Variants in ZCCHC7 observed in about 807,000 individuals in gnomAD.
ZCCHC7 encodes zinc finger CCHC-type containing 7, also known as zinc finger CCHC domain-containing protein 7.
Under a neutral mutation model 52.0 loss-of-function variants are expected in ZCCHC7, and 35 were observed. That is an observed-to-expected ratio of 0.67 (90% CI 0.51 to 0.89). The LOEUF is 0.89. Ranked by LOEUF, ZCCHC7 falls within the 40% of genes least tolerant of loss-of-function variation. The pLI is 0.00. For missense variants in ZCCHC7, 574 were observed against 649.1 expected (o/e 0.88, Z 1.26); for synonymous variants, 217 against 221.5 (o/e 0.98, Z 0.18).
In ZCCHC7 at chr9:37,254,837, C is replaced by CTTTTTTTTTTT. The variant is rs59489076; in HGVS notation, c.611-47345_611-47335dup. Among the ~76,000 whole-genome samples the CTTTTTTTTTTT allele has an allele frequency of 2.7e-3, 254 of 93,430 alleles. 4 individuals are homozygous for CTTTTTTTTTTT. The highest frequency in any genetic ancestry group is 0.011 in the Middle Eastern group (1 of 94). 61.3% of individuals were successfully genotyped at this position (93,430 alleles called of 152,430 possible). On this transcript the variant is annotated intron_variant, in intron 2 of 8. Coordinates refer to ENST00000336755, the MANE Select transcript of ZCCHC7 (RefSeq NM_032226.3). ...TGCCATGTTAATGCTCAAAAAGTTT[C>CTTTTTTTTTTT]TTTTTTTTTTTTTTTTGGATTTTTG... is the stretch of plus-strand genomic sequence containing the variant.
At chr9:37,240,578 C>A (rs551161499) in intron 2 of ZCCHC7, among the ~76,000 whole-genome samples, 88 of 151,866 alleles carry the variant, frequency 5.8e-4, no homozygotes, top group African/African-American at 2.0e-3. Context: ...GATAAGAAAT[C>A]TTTTATTTTT....
intron 5 of ZCCHC7, among the ~76,000 whole-genome samples, chr9:37,318,411 C>T (rs1036197189): frequency 2.7e-5 from 4 of 150,610 alleles, no homozygotes; most frequent in Admixed American, 2.0e-4. Flanking sequence ...CAGTGAGCCG[C>T]GATTGCACCA....
chr9:37,207,002 C>T (rs1823953883), intron 2 of ZCCHC7, among the ~76,000 whole-genome samples: 1 of 151,822 alleles, frequency 6.6e-6, no homozygotes, highest in African/African-American at 2.4e-5. Flanking sequence ...GGTGTGCAAC[C>T]GTAGTCCCAG....
At chr9:37,274,690 T>C (rs909473334) in intron 2 of ZCCHC7, among the ~76,000 whole-genome samples, 14 of 138,094 alleles carry the variant, frequency 1.0e-4, no homozygotes, top group African/African-American at 4.2e-4. Flanking sequence ...AATGTTAATG[T>C]AGTTATTTAC....
chr9:37,357,072 C>T lies in ZCCHC7; in HGVS notation c.1436C>T (p.Thr479Ile). The change falls in exon 9 of 9, where the codon ACC becomes ATC. Residue 479 changes from threonine to isoleucine, a missense_variant. By Grantham distance (89) the Thr-to-Ile change is moderately conservative. Transcript: ENST00000336755. ...GAGGATTTTCCCAGGGGCCCCAAAA[C>T]CTACTCTTCTCCTGGCAGTTTTAAA... ...VDEDFPRGPK[T>I]YSSPGSFKTQ... 2 of 1,613,752 alleles carry T rather than the reference C, an allele frequency of 1.2e-6. No individual in the cohort carries two copies. Among genetic ancestry groups the T allele is most frequent in the Non-Finnish European group, 1.7e-6 (2 of 1,179,938 alleles).
At chr9:37,223,946 A>G (rs958202044) in intron 2 of ZCCHC7, among the ~76,000 whole-genome samples, 3 of 152,156 alleles carry the variant, frequency 2.0e-5, no homozygotes, top group African/African-American at 4.8e-5. Flanking sequence ...ACAATGTTCT[A>G]TTAAAAATTG....
At chr9:37,131,937 T>G (rs1025655378) in intron 2 of ZCCHC7, among the ~76,000 whole-genome samples, 1 of 152,240 alleles carries the variant, frequency 6.6e-6, no homozygotes, top group African/African-American at 2.4e-5. Flanking sequence ...CTATTACATA[T>G]GACTTTCAGC....
At chr9:37,210,690 C>A (rs1824171654) in intron 2 of ZCCHC7, among the ~76,000 whole-genome samples, 1 of 152,090 alleles carries the variant, frequency 6.6e-6, no homozygotes, top group Admixed American at 6.5e-5. Flanking sequence ...TTTCTTAGTC[C>A]CCTCACAGAT....
At chr9:37,298,857 T>A (rs952245677) in intron 2 of ZCCHC7, among the ~76,000 whole-genome samples, 2 of 152,230 alleles carry the variant, frequency 1.3e-5, no homozygotes, top group Admixed American at 6.5e-5. Context: ...TCCATTCTTC[T>A]GAATTTACCA....
chr9:37,275,873 A>G (rs1827661957), intron 2 of ZCCHC7, among the ~76,000 whole-genome samples: 1 of 151,006 alleles, frequency 6.6e-6, no homozygotes, highest in African/African-American at 2.4e-5. Context: ...CTGGTCTTGA[A>G]CTCCTGACCT....
At chr9:37,296,756 C>A (rs554719460) in intron 2 of ZCCHC7, among the ~76,000 whole-genome samples, 1 of 152,190 alleles carries the variant, frequency 6.6e-6, no homozygotes, top group Admixed American at 6.5e-5. Context: ...GCTGCTGGCA[C>A]GCAGTGGCGG....
intron 7 of ZCCHC7, among the ~76,000 whole-genome samples, chr9:37,353,332 GGACCACTT>G (rs1256199995): frequency 3.3e-4 from 51 of 152,290 alleles, no homozygotes; most frequent in African/African-American, 1.2e-3. Context: ...CAAGTTGGAA[GGACCACTT>G]GAGGCTGCCA....
chr9:37,301,804 A>G (rs1401925387), intron 2 of ZCCHC7, among the ~76,000 whole-genome samples: 1 of 152,184 alleles, frequency 6.6e-6, no homozygotes, highest in Non-Finnish European at 1.5e-5. Flanking sequence ...TAGTCAGATA[A>G]AAGAAGTTAA....
intron 2 of ZCCHC7, among the ~76,000 whole-genome samples, chr9:37,221,603 C>T (rs1378401288): frequency 2.0e-5 from 3 of 151,958 alleles, no homozygotes; most frequent in African/African-American, 7.3e-5. Context: ...TTGGTGAGTG[C>T]ACAGTTTCTA....
chr9:37,327,290 T>G (rs1306158253), intron 5 of ZCCHC7: 1 of 152,224 alleles, frequency 6.6e-6, no homozygotes, highest in East Asian at 1.9e-4. Flanking sequence ...TCTTGTTGTT[T>G]TTAATTCTCT....
intron 2 of ZCCHC7, among the ~76,000 whole-genome samples, chr9:37,209,688 G>A (rs1824110723): frequency 6.6e-6 from 1 of 152,128 alleles, no homozygotes; most frequent in African/African-American, 2.4e-5. Flanking sequence ...AATACTTCTT[G>A]AATGCATGAC....
chr9:37,319,847 TATGGTTGACCA>T (rs1455091722), intron 5 of ZCCHC7, among the ~76,000 whole-genome samples: 1 of 152,240 alleles, frequency 6.6e-6, no homozygotes, highest in African/African-American at 2.4e-5. Context: ...TTTCTTTACA[TATGGTTGACCA>T]ATTGTTCTAA....
At chr9:37,199,124 A>G (rs1823451083) in intron 2 of ZCCHC7, among the ~76,000 whole-genome samples, 1 of 152,022 alleles carries the variant, frequency 6.6e-6, no homozygotes, top group South Asian at 2.1e-4. Context: ...TAAATGGCCA[A>G]TGAAAACATG....
intron 2 of ZCCHC7, among the ~76,000 whole-genome samples, chr9:37,282,186 A>T (rs893153384): frequency 3.3e-5 from 5 of 152,232 alleles, no homozygotes; most frequent in African/African-American, 1.2e-4. Context: ...GTTTTGCCAG[A>T]TGAAAATAAT....
Sources: gnomAD v4.1 joint callset for allele counts (sites outside exome capture counted in the v4.1 genomes callset) on GRCh38, gnomAD v4.1.1 for gene constraint, MANE v1.5 for transcripts, NCBI Gene and HGNC (gene_info 2026-07-23, HGNC 2026-07-21) for gene names.